The following SFXN2 variants were observed in gnomAD, a reference collection of about 807,000 sequenced individuals.
SFXN2 encodes the protein sideroflexin-2.
A neutral mutation model predicts 41.9 loss-of-function variants in SFXN2; 37 were observed. That is an observed-to-expected ratio of 0.88 (90% CI 0.68 to 1.16). The LOEUF (loss-of-function observed/expected upper bound fraction) is 1.16. Ranked by LOEUF, SFXN2 falls within the 50% of genes most tolerant of loss-of-function variation. The probability of loss-of-function intolerance (pLI) is 0.00; values close to 1 mark genes in which losing one functional copy is unlikely to be tolerated. For missense variants in SFXN2, 386 were observed against 425.2 expected, an observed-to-expected ratio of 0.91 and a Z score of 0.81; for synonymous variants, 150 against 156.7, an observed-to-expected ratio of 0.96 and a Z score of 0.32.
Position 102,738,903 on chromosome 10 carries a change from G to A in SFXN2, c.*1141G>A, listed in dbSNP as rs1411796017. On this transcript the variant is annotated 3_prime_UTR_variant, in exon 12 of 12. Transcript: ENST00000369893. ...TCAGCCCATTAGGTTAAACACCAAAGAAAGACTGGTGTGTACTGAATAGGA... is the reference window on the plus strand; with the variant it reads ...TCAGCCCATTAGGTTAAACACCAAAAAAAGACTGGTGTGTACTGAATAGGA... The A allele has an allele frequency of 6.6e-6, 1 of 152,650 alleles. No homozygotes were observed. The highest frequency in any genetic ancestry group is 2.1e-4 in the South Asian group (1 of 4,836). The allele number at this position is 152,650 out of a possible 1,614,324, so 9.5% of individuals were successfully genotyped here.
In SFXN2 at chr10:102,738,007, G is replaced by GA. The variant is rs59640190; in HGVS notation, c.*245_*246insA. ...GCTGCTTCCTCAACCCCTGTCCCCT[G>GA]GAGACCAGAAGCTGAGGCCCTCTCA... is the stretch of plus-strand genomic sequence containing the variant. On this transcript the variant is annotated 3_prime_UTR_variant, in exon 12 of 12. Transcript: ENST00000369893. The GA allele has an allele frequency of 0.16, 44,989 of 274,508 alleles. 4,049 individuals are homozygous for GA. Among genetic ancestry groups the GA allele is most frequent in the Middle Eastern group, 0.23 (225 of 968 alleles). The allele number at this position is 274,508 out of a possible 1,614,324, so 17.0% of individuals were successfully genotyped here.
chr10:102,731,136 G>T (rs1364005229), intron 6 of SFXN2, among the ~76,000 whole-genome samples: 1 of 151,406 alleles, frequency 6.6e-6, no homozygotes, highest in East Asian at 1.9e-4. Context: ...GCATGGTGGC[G>T]CATGCCTGTA....
At chr10:102,737,272 G>T (rs985574197) in intron 11 of SFXN2, among the ~76,000 whole-genome samples, 1 of 152,170 alleles carries the variant, frequency 6.6e-6, no homozygotes, top group African/African-American at 2.4e-5. Flanking sequence ...AGGGATGATG[G>T]AAAAGGGAAG....
Position 102,727,004 on chromosome 10 carries a change from C to T in SFXN2, c.179C>T (p.Pro60Leu). The T allele has an allele frequency of 1.2e-6, 2 of 1,600,452 alleles. No individual in the cohort carries two copies. Among genetic ancestry groups the T allele is most frequent in the Admixed American group, 1.7e-5 (1 of 59,804 alleles). Residue 60 changes from proline (P) to leucine (L), a missense_variant, in exon 3 of 12, where the codon CCA becomes CTA. Coordinates refer to ENST00000369893, the MANE Select transcript of SFXN2 (RefSeq NM_178858.6). ...VEKSRMGVVPPGTQVEQLLYA... is the reference protein window; with the variant it reads ...VEKSRMGVVPLGTQVEQLLYA... Reference sequence around the variant, plus strand: ...GGTGGCAGGATGGGGGTTGTGCCCCCAGGCACCCAAGTGGAGCAGCTGCTG... The same window carrying T: ...GGTGGCAGGATGGGGGTTGTGCCCCTAGGCACCCAAGTGGAGCAGCTGCTG...
chr10:102,733,568 G>A lies in SFXN2; in HGVS notation c.786G>A (p.Leu262=). ...TTTTTATACAGAAAGTCAAGGTCCTGCACGCCCCATTGCAGGTCATGCTGA... is the reference window on the plus strand; with the variant it reads ...TTTTTATACAGAAAGTCAAGGTCCTACACGCCCCATTGCAGGTCATGCTGA... ...KLHFMQKVKV[L]HAPLQVMLSG... is the part of the protein sequence containing the mutation. Residue 262 remains leucine, a synonymous_variant, in exon 10 of 12, where the codon CTG becomes CTA. Coordinates refer to ENST00000369893, the MANE Select transcript of SFXN2 (RefSeq NM_178858.6). 6.2e-7 allele frequency: 1 copy of A among 1,613,994 alleles called. No individual in the cohort carries two copies. The highest frequency in any genetic ancestry group is 8.5e-7 in the Non-Finnish European group (1 of 1,179,856).
At chr10:102,718,094 T>C (rs1432930199) in intron 1 of SFXN2, among the ~76,000 whole-genome samples, 1 of 152,230 alleles carries the variant, frequency 6.6e-6, no homozygotes, top group Non-Finnish European at 1.5e-5. Flanking sequence ...TTTGTTTTTG[T>C]TTTGGCTTTA....
intron 5 of SFXN2, 92 bp downstream of exon 5, chr10:102,729,486 T>A: frequency 2.1e-6 from 3 of 1,444,172 alleles, no homozygotes; most frequent in Non-Finnish European, 2.9e-6. Context: ...TTCCCCAGGC[T>A]GGGTGAGTTG....
chr10:102,732,989 T>A, intron 9 of SFXN2, 81 bp downstream of exon 9: 1 of 1,401,360 alleles, frequency 7.1e-7, no homozygotes, highest in South Asian at 1.2e-5. Context: ...TGACCTGCCC[T>A]CCCCCACCCA....
Position 102,740,520 on chromosome 10 carries a change from T to G in SFXN2, c.*2758T>G, listed in dbSNP as rs1376919252. 1 of 152,212 alleles carries G rather than the reference T, an allele frequency of 6.6e-6. No homozygotes were observed. The highest frequency in any genetic ancestry group is 1.5e-5 in the Non-Finnish European group (1 of 68,070). The allele number at this position is 152,212 out of a possible 1,614,324, so 9.4% of individuals were successfully genotyped here. On this transcript the variant is annotated 3_prime_UTR_variant, in exon 12 of 12. Transcript: ENST00000369893. Reference sequence around the variant, plus strand: ...TACACACATGAGCCACTGCATCTGGTCTCAGAACATTTTTCTTAGCCCCAA... The same window carrying G: ...TACACACATGAGCCACTGCATCTGGGCTCAGAACATTTTTCTTAGCCCCAA...
Position 102,734,171 on chromosome 10 carries a change from T to A in SFXN2, c.821+568T>A, listed in dbSNP as rs2064741912. Among the ~76,000 whole-genome samples, 2 of 152,152 alleles carry A rather than the reference T, an allele frequency of 1.3e-5. No homozygotes were observed. Among genetic ancestry groups the A allele is most frequent in the South Asian group, 4.1e-4 (2 of 4,834 alleles). On this transcript the variant is annotated intron_variant, in intron 10 of 11. Coordinates refer to ENST00000369893, the MANE Select transcript of SFXN2 (RefSeq NM_178858.6). This position sits in a 1 kb window ranked among gnomAD's most constrained non-coding sequence, Gnocchi z 4.1. ...AGGCATGAGCCACTGCGCCTGGCTG[T>A]CTGGAGCAGTTTTACAGAAGAGATA...
intron 9 of SFXN2, 57 bp downstream of exon 9, chr10:102,732,965 T>C: frequency 6.3e-7 from 1 of 1,576,446 alleles, no homozygotes; most frequent in Non-Finnish European, 8.7e-7. Flanking sequence ...GCCACATCTG[T>C]CCCTAGGGAT....
In SFXN2 at chr10:102,722,639, C is replaced by G. The variant is rs1309832040; in HGVS notation, c.-25-3973C>G. ...AGGCTTAGCCTTAGCCTCCCAGACT[C>G]AAGCAGTCCCCGCACCTCAGCCTCC... On this transcript the variant is annotated intron_variant, in intron 1 of 11. Transcript: ENST00000369893. Among the ~76,000 whole-genome samples, 3 of 151,878 alleles carry G rather than the reference C, an allele frequency of 2.0e-5. No individual in the cohort carries two copies. In the East Asian group the frequency reaches 5.8e-4, roughly 30 times the overall value.
intron 1 of SFXN2, among the ~76,000 whole-genome samples, chr10:102,721,975 C>T (rs537645981): frequency 2.9e-4 from 44 of 152,300 alleles, no homozygotes; most frequent in African/African-American, 1.0e-3. Context: ...TCTGAGTGCA[C>T]GTGGGTTCAT....
intron 1 of SFXN2, among the ~76,000 whole-genome samples, chr10:102,722,830 T>G (rs553843724): frequency 3.4e-4 from 51 of 152,060 alleles, no homozygotes; most frequent in Admixed American, 2.8e-3. Context: ...ATTATAGGTG[T>G]GAACCATCCC....
rs149937017 is a variant in SFXN2, at chr10:102,726,769, T to C, written c.133T>C (p.Trp45Arg). 1 of 1,613,934 alleles carries C rather than the reference T, an allele frequency of 6.2e-7. No individual in the cohort carries two copies. Among genetic ancestry groups the C allele is most frequent in the South Asian group, 1.1e-5 (1 of 91,076 alleles). ...TVFVSERELDWAKVMVEKSRM... is the reference protein window; with the variant it reads ...TVFVSERELDRAKVMVEKSRM... ...CTTTGTATCTGAGCGGGAGCTGGAC[T>C]GGGCCAAGGTGATGGTGGAGAAGAG... Residue 45 changes from tryptophan (W) to arginine (R), a missense_variant, in exon 2 of 12, where the codon TGG becomes CGG. Physicochemically the swap from Trp to Arg is moderately radical, Grantham distance 101. Transcript: ENST00000369893.
intron 1 of SFXN2, among the ~76,000 whole-genome samples, chr10:102,717,421 C>T (rs183495752): frequency 6.0e-4 from 92 of 152,308 alleles, no homozygotes; most frequent in Admixed American, 2.7e-3. Context: ...AGCCACTGCG[C>T]CCGGCCTCAA....
Position 102,727,058 on chromosome 10 carries a change from T to A in SFXN2, c.233T>A (p.Phe78Tyr). 6.2e-7 allele frequency: 1 copy of A among 1,610,474 alleles called. No individual in the cohort carries two copies. Among genetic ancestry groups the A allele is most frequent in the Non-Finnish European group, 8.5e-7 (1 of 1,177,054 alleles). ...GCCAAGAAGCTGTATGACTCGGCCT[T>A]CCACCCCGACACTGGGGAGAAGATG... is the stretch of plus-strand genomic sequence containing the variant. ...LYAKKLYDSA[F>Y]HPDTGEKMNV... The change falls in exon 3 of 12, where the codon TTC becomes TAC. Residue 78 changes from phenylalanine to tyrosine, a missense_variant. By Grantham distance (22) the Phe-to-Tyr change is conservative (BLOSUM62 3). Coordinates refer to ENST00000369893, the MANE Select transcript of SFXN2 (RefSeq NM_178858.6).
chr10:102,726,969 G>GATCAATGT lies in SFXN2; in HGVS notation c.162-18_162-17insATCAATGT. The GATCAATGT allele has an allele frequency of 6.3e-7, 1 of 1,590,656 alleles. No individual in the cohort carries two copies. The highest frequency in any genetic ancestry group is 8.6e-7 in the Non-Finnish European group (1 of 1,162,218). ...TGATCAGGCAGGATGGTGACTGCCT[G>GATCAATGT]CTGTCCTTGGGTGGCAGGATGGGGG... On this transcript the variant is annotated splice_polypyrimidine_tract_variant and intron_variant, in intron 2 of 11. Coordinates refer to ENST00000369893, the MANE Select transcript of SFXN2 (RefSeq NM_178858.6).
At position 102,729,342 on chromosome 10, in the gene SFXN2, C is replaced by A. The variant is rs1231867219; in HGVS notation, c.455C>A (p.Thr152Lys). Reference protein sequence around the residue: ...SVRQMALSYFTATTTAVATAV... With the variant: ...SVRQMALSYFKATTTAVATAV... ...AGGCAGATGGCCCTTTCCTACTTCACAGCCACAACCACTGCTGTGGCCACG... is the reference window on the plus strand; with the variant it reads ...AGGCAGATGGCCCTTTCCTACTTCAAAGCCACAACCACTGCTGTGGCCACG... The change falls in exon 5 of 12, where the codon ACA becomes AAA. Residue 152 changes from threonine to lysine, a missense_variant. Coordinates refer to ENST00000369893, the MANE Select transcript of SFXN2 (RefSeq NM_178858.6). The A allele has an allele frequency of 6.2e-7, 1 of 1,614,176 alleles. No homozygotes were observed.
Sources: gnomAD v4.1 joint callset for allele counts (sites outside exome capture counted in the v4.1 genomes callset) on GRCh38, gnomAD v4.1.1 for gene constraint, Gnocchi (gnomAD v3.1) non-coding constraint, MANE v1.5 for transcripts, NCBI Gene and HGNC (gene_info 2026-07-23, HGNC 2026-07-21) for gene names.